DTNA: variants seen among roughly 807,000 people sequenced by gnomAD.
DTNA encodes the protein dystrophin-related protein 3.
DTNA carries 43 observed loss-of-function variants against 100.7 expected under a neutral mutation model. That is an observed-to-expected ratio of 0.43 (90% confidence interval 0.33 to 0.55). The LOEUF (loss-of-function observed/expected upper bound fraction) is 0.55. DTNA is among the 20% of genes least tolerant of loss of function. DTNA has a pLI of 0.04. For synonymous variants in DTNA, 349 were observed against 347.9 expected, an observed-to-expected ratio of 1.00 and a Z score of -0.04; for missense variants, 798 against 953.9, an observed-to-expected ratio of 0.84 and a Z score of 2.15.
Position 34,860,229 on chromosome 18 carries a change from T to C in DTNA, c.1646+1831T>C, listed in dbSNP as rs867297440. ...GCCCGGCTAATTTTTTGTTTTTTTT[T>C]TTTTTTTTTTTTTTTTTTTTGGAGA... On this transcript the variant is annotated intron_variant, in intron 16 of 22. Coordinates refer to ENST00000444659, the MANE Select transcript of DTNA (RefSeq NM_001386795.1). 3.0e-5 allele frequency among the ~76,000 whole-genome samples: 4 copies of C among 132,244 alleles called. No homozygotes were observed. The East Asian group carries it at 8.5e-4, about 28-fold the overall frequency. The allele number at this position is 132,244 out of a possible 152,430, so 86.8% of individuals were successfully genotyped here.
chr18:34,592,026 C>T (rs955460701), intron 1 of DTNA, among the ~76,000 whole-genome samples: 2 of 152,076 alleles, frequency 1.3e-5, no homozygotes, highest in African/African-American at 2.4e-5. Context: ...CTGGCATCTA[C>T]GTTTTGCCGT....
intron 22 of DTNA, among the ~76,000 whole-genome samples, chr18:34,885,236 A>T (rs1391215055): frequency 6.6e-6 from 1 of 152,224 alleles, no homozygotes; most frequent in Admixed American, 6.5e-5. Flanking sequence ...TGAAAGCAAA[A>T]TCATGCATTA....
intron 1 of DTNA, among the ~76,000 whole-genome samples, chr18:34,681,379 A>G (rs1327922984): frequency 1.3e-5 from 2 of 152,144 alleles, no homozygotes; most frequent in South Asian, 2.1e-4. Flanking sequence ...GATATAATAT[A>G]CATACAAAGA....
chr18:34,793,954 A>G, intron 3 of DTNA, 83 bp from the exon 4 acceptor site: 2 of 1,450,532 alleles, frequency 1.4e-6, no homozygotes, highest in Non-Finnish European at 1.9e-6. Context: ...TACCTAGAAA[A>G]AAACAGGACA....
chr18:34,499,920 G>T (rs1226550122), intron 1 of DTNA, among the ~76,000 whole-genome samples: 1 of 151,724 alleles, frequency 6.6e-6, no homozygotes, highest in Non-Finnish European at 1.5e-5. Context: ...TTTATTTTGG[G>T]GTTACTTATT....
chr18:34,774,129 C>T (rs986169520), intron 3 of DTNA, among the ~76,000 whole-genome samples: 1 of 152,366 alleles, frequency 6.6e-6, no homozygotes, highest in Middle Eastern at 3.4e-3. Context: ...TCTTAAAATG[C>T]TCCTGTCAGT....
chr18:34,536,907 A>T (rs1169003328), intron 1 of DTNA, among the ~76,000 whole-genome samples: 1 of 151,994 alleles, frequency 6.6e-6, no homozygotes, highest in Non-Finnish European at 1.5e-5. Flanking sequence ...AGGAGAAGGA[A>T]GAAACAGGAT....
intron 1 of DTNA, among the ~76,000 whole-genome samples, chr18:34,674,475 A>G (rs1167028424): frequency 6.6e-6 from 1 of 152,220 alleles, no homozygotes; most frequent in Non-Finnish European, 1.5e-5. Context: ...CCCATTTGCC[A>G]GCCATCCTCT....
chr18:34,726,649 ACACTGGTGCAAGGGATGGACTCC>A (rs2086755916), intron 1 of DTNA, among the ~76,000 whole-genome samples: 1 of 152,216 alleles, frequency 6.6e-6, no homozygotes, highest in African/African-American at 2.4e-5. Context: ...AAACCAGAGC[ACACTGGTGCAAGGGATGGACTCC>A]CAACACTTAG....
intron 1 of DTNA, among the ~76,000 whole-genome samples, chr18:34,501,285 C>A (rs1185036520): frequency 1.3e-5 from 2 of 152,132 alleles, no homozygotes; most frequent in African/African-American, 4.8e-5. Flanking sequence ...AACTATTGGA[C>A]CAGCCTTGCA....
chr18:34,811,857 G>A, intron 5 of DTNA, 102 bp from the exon 6 acceptor site: 1 of 1,326,540 alleles, frequency 7.5e-7, no homozygotes, highest in Non-Finnish European at 1.1e-6. Flanking sequence ...CATAAAAAAT[G>A]TTTATTTTGC....
intron 20 of DTNA, 63 bp downstream of exon 20, chr18:34,879,782 A>G: frequency 6.3e-7 from 1 of 1,598,006 alleles, no homozygotes; most frequent in Non-Finnish European, 8.6e-7. Context: ...AGACAATAAG[A>G]AAGTAAAAGC....
intron 1 of DTNA, among the ~76,000 whole-genome samples, chr18:34,685,571 T>C (rs1170634135): frequency 6.6e-6 from 1 of 152,220 alleles, no homozygotes; most frequent in East Asian, 1.9e-4. Context: ...TTAGGTACTG[T>C]GATACCTCCA....
Position 34,598,761 on chromosome 18 carries a change from G to A in DTNA, c.-2+105247G>A, listed in dbSNP as rs187856299. On this transcript the variant is annotated intron_variant, in intron 1 of 19. Transcript: ENST00000283365. ...GGCACCTGTAGTCCCAGCTACTTGG[G>A]AGGCTGAGGCAGGAGAATGGCATGA... Among the ~76,000 whole-genome samples, 392 of 152,218 alleles carry A rather than the reference G, an allele frequency of 2.6e-3. 4 individuals are homozygous for A. Among genetic ancestry groups the A allele is most frequent in the African/African-American group, 8.8e-3 (364 of 41,534 alleles).
chr18:34,603,912 A>C (rs890672636), intron 1 of DTNA, among the ~76,000 whole-genome samples: 2 of 152,176 alleles, frequency 1.3e-5, no homozygotes, highest in African/African-American at 4.8e-5. Context: ...GCTTAAAAAG[A>C]AAAAAATTAT....
In DTNA at chr18:34,810,597, A is replaced by G. The variant is rs2095467956; in HGVS notation, c.449-1362A>G. 1.3e-5 allele frequency among the ~76,000 whole-genome samples: 2 copies of G among 152,104 alleles called. 1 individual carries two copies. The highest frequency in any genetic ancestry group is 2.9e-5 in the Non-Finnish European group (2 of 68,002). On this transcript the variant is annotated intron_variant, in intron 5 of 22. Coordinates refer to ENST00000444659, the MANE Select transcript of DTNA (RefSeq NM_001386795.1). ...AGCTAATGGCTACAAAATTACAACT[A>G]TGTAGGAGGAATACGTTCGAGTGTT... is the stretch of plus-strand genomic sequence containing the variant.
At chr18:34,719,588 C>T (rs570018645) in intron 1 of DTNA, among the ~76,000 whole-genome samples, 1 of 152,290 alleles carries the variant, frequency 6.6e-6, no homozygotes, top group South Asian at 2.1e-4. Context: ...AGAGATGATA[C>T]TTGTAACGTG....
chr18:34,890,495 C>G lies in DTNA; in HGVS notation c.*2761C>G. 1 of 1,532,694 alleles carries G rather than the reference C, an allele frequency of 6.5e-7. No individual in the cohort carries two copies. 94.9% of individuals were successfully genotyped at this position (1,532,694 alleles called of 1,614,324 possible). A position where few individuals can be genotyped will look rare whatever the true frequency, so the allele number is the denominator to read the frequency against. Reference sequence around the variant, plus strand: ...GTCCATTAGATACAACTACATCTTGCGGGGGTTGTTTCTTTCTTGTTCCAC... The same window carrying G: ...GTCCATTAGATACAACTACATCTTGGGGGGGTTGTTTCTTTCTTGTTCCAC... On this transcript the variant is annotated 3_prime_UTR_variant, in exon 23 of 23. Coordinates refer to ENST00000444659, the MANE Select transcript of DTNA (RefSeq NM_001386795.1).
intron 1 of DTNA, among the ~76,000 whole-genome samples, chr18:34,553,483 G>A (rs1022280226): frequency 1.3e-5 from 2 of 151,598 alleles, no homozygotes; most frequent in African/African-American, 2.4e-5. Flanking sequence ...GTAATGCCTA[G>A]GTTTTCTTCT....
Sources: gnomAD v4.1 joint callset for allele counts (sites outside exome capture counted in the v4.1 genomes callset) on GRCh38, gnomAD v4.1.1 for gene constraint, MANE v1.5 for transcripts, NCBI Gene and HGNC (gene_info 2026-07-23, HGNC 2026-07-21) for gene names.